The following PRKCA variants were observed in gnomAD, a reference collection of about 807,000 sequenced individuals.
The protein encoded by PRKCA is protein kinase C alpha type.
PRKCA carries 27 observed loss-of-function variants against 87.0 expected under a neutral mutation model. The observed-to-expected ratio is 0.31, with a 90% confidence interval of 0.23 to 0.43. The LOEUF is 0.43. Ranked by LOEUF, PRKCA falls within the 20% of genes least tolerant of loss-of-function variation. The pLI, the probability that PRKCA is intolerant of heterozygous loss-of-function variation, is 1.00. For synonymous variants in PRKCA, 329 were observed against 311.1 expected (o/e 1.06, Z -0.61); for missense variants, 518 against 852.3 (o/e 0.61, Z 4.88).
At chr17:66,440,862 T>C (rs79732617) in intron 2 of PRKCA, among the ~76,000 whole-genome samples, 2,784 of 151,986 alleles carry the variant, frequency 0.018, 42 homozygotes, top group Non-Finnish European at 0.024. Context: ...CCCATCTCAA[T>C]GAAAAGTAAA....
intron 2 of PRKCA, among the ~76,000 whole-genome samples, chr17:66,314,976 T>A (rs1905242344): frequency 6.6e-6 from 1 of 151,614 alleles, no homozygotes; most frequent in African/African-American, 2.4e-5. Flanking sequence ...TATATATGTG[T>A]GTATGTATGT....
intron 3 of PRKCA, among the ~76,000 whole-genome samples, chr17:66,556,827 T>G (rs1218514820): frequency 6.6e-6 from 1 of 152,132 alleles, no homozygotes; most frequent in African/African-American, 2.4e-5. Flanking sequence ...TGTGGATCTG[T>G]GAGTCAATTA....
chr17:66,625,921 G>A (rs996128176), intron 3 of PRKCA, among the ~76,000 whole-genome samples: 3 of 152,110 alleles, frequency 2.0e-5, no homozygotes, highest in Admixed American at 6.5e-5. Context: ...CTCCATGGTC[G>A]TATCACAAGA....
At chr17:66,314,757 A>G (rs566732799) in intron 2 of PRKCA, among the ~76,000 whole-genome samples, 6 of 152,312 alleles carry the variant, frequency 3.9e-5, no homozygotes, top group Non-Finnish European at 7.3e-5. Flanking sequence ...AGTTGAATTG[A>G]GAGTAAAATT....
At chr17:66,564,788 T>C (rs925372542) in intron 3 of PRKCA, among the ~76,000 whole-genome samples, 2 of 152,110 alleles carry the variant, frequency 1.3e-5, no homozygotes, top group African/African-American at 4.8e-5. Context: ...AAGACCAGCC[T>C]GGCCAAGATG....
chr17:66,524,653 G>C (rs184745478), intron 3 of PRKCA, among the ~76,000 whole-genome samples: 1 of 152,140 alleles, frequency 6.6e-6, no homozygotes, highest in Non-Finnish European at 1.5e-5. Context: ...TATGGGCCAG[G>C]TTCTCTTCTG....
chr17:66,699,543 C>A (rs1003699934), intron 8 of PRKCA, among the ~76,000 whole-genome samples: 2 of 152,202 alleles, frequency 1.3e-5, no homozygotes, highest in African/African-American at 4.8e-5. Flanking sequence ...TCAAAGATCT[C>A]CCAGGAAAGA....
intron 3 of PRKCA, among the ~76,000 whole-genome samples, chr17:66,551,039 A>G (rs1598761191): frequency 6.6e-6 from 1 of 152,244 alleles, no homozygotes; most frequent in East Asian, 1.9e-4. Flanking sequence ...AAAACAATTG[A>G]TGTTTATTAT....
At chr17:66,314,899 GTGTA>G (rs1555581575) in intron 2 of PRKCA, among the ~76,000 whole-genome samples, 3 of 143,388 alleles carry the variant, frequency 2.1e-5, no homozygotes, top group East Asian at 2.0e-4. Context: ...GTGTGTGTGT[GTGTA>G]TGTATGTATG....
intron 2 of PRKCA, among the ~76,000 whole-genome samples, chr17:66,420,466 C>T (rs546382208): frequency 3.0e-4 from 46 of 152,264 alleles, no homozygotes; most frequent in African/African-American, 7.5e-4. Context: ...AGAAATTGTA[C>T]TTCAAGTACC....
intron 2 of PRKCA, among the ~76,000 whole-genome samples, chr17:66,484,928 T>C (rs1202004987): frequency 6.6e-6 from 1 of 152,032 alleles, no homozygotes; most frequent in Non-Finnish European, 1.5e-5. Context: ...ATGATAAGTA[T>C]TAGGACATAC....
intron 16 of PRKCA, among the ~76,000 whole-genome samples, chr17:66,791,148 C>A (rs930135771): frequency 7.0e-6 from 1 of 142,912 alleles, no homozygotes; most frequent in Non-Finnish European, 1.5e-5. Flanking sequence ...TCCCTCCCCC[C>A]TCCCTTTTGT....
At chr17:66,760,175 A>C (rs1264687953) in intron 13 of PRKCA, among the ~76,000 whole-genome samples, 1 of 152,218 alleles carries the variant, frequency 6.6e-6, no homozygotes, top group Non-Finnish European at 1.5e-5. Flanking sequence ...AACACACCTT[A>C]ACAAACTGAA....
rs148438591 is a variant in PRKCA at position 66,356,504 on chromosome 17, G to A, written c.205+50377G>A. On this transcript the variant is annotated intron_variant, in intron 2 of 16. Transcript: ENST00000413366. ...CAAAAAATTAGCCGGGCGTGGTGTC[G>A]GGTGCCTGTAGTCCCAGCTACTCGG... Among the ~76,000 whole-genome samples the A allele has an allele frequency of 4.4e-3, 673 of 152,080 alleles. 7 individuals are homozygous for A. The highest frequency in any genetic ancestry group is 0.016 in the African/African-American group (651 of 41,508).
Position 66,732,876 on chromosome 17 carries a change from A to T in PRKCA, c.1056+51A>T, listed in dbSNP as rs369970867. 8.8e-6 allele frequency: 14 copies of T among 1,587,378 alleles called. No individual in the cohort carries two copies. The South Asian group carries it at 1.4e-4, about 16-fold the overall frequency. ...GCAGGGGCTTCTGCAGAGAATGTCG[A>T]ATCAGTTTTGTTCTCCTCGTAGTTT... On this transcript the variant is annotated intron_variant, in intron 9 of 16. Coordinates refer to ENST00000413366, the MANE Select transcript of PRKCA (RefSeq NM_002737.3).
At chr17:66,624,438 G>C (rs907486928) in intron 3 of PRKCA, among the ~76,000 whole-genome samples, 3 of 152,322 alleles carry the variant, frequency 2.0e-5, no homozygotes, top group African/African-American at 7.2e-5. Context: ...AGGTGCCACT[G>C]GGCAGAGGGT....
chr17:66,496,169 A>C (rs2144111193), intron 2 of PRKCA, 32 bp from the exon 3 acceptor site: 1 of 1,529,728 alleles, frequency 6.5e-7, no homozygotes, highest in East Asian at 2.2e-5. Context: ...AATCATGTCT[A>C]TTCTAATTTT....
intron 2 of PRKCA, among the ~76,000 whole-genome samples, chr17:66,393,454 G>C (rs1212681257): frequency 5.9e-5 from 9 of 152,094 alleles, no homozygotes; most frequent in Admixed American, 5.9e-4. Flanking sequence ...ATTTAGTAGA[G>C]GAATTACACA....
chr17:66,310,422 A>G (rs190088916), intron 2 of PRKCA, among the ~76,000 whole-genome samples: 54 of 152,238 alleles, frequency 3.5e-4, no homozygotes, highest in South Asian at 6.2e-4. Context: ...TGTGCTTTCA[A>G]TGATGCTACT....
Sources: gnomAD v4.1 joint callset for allele counts (sites outside exome capture counted in the v4.1 genomes callset) on GRCh38, gnomAD v4.1.1 for gene constraint, MANE v1.5 for transcripts, NCBI Gene and HGNC (gene_info 2026-07-23, HGNC 2026-07-21) for gene names.